ZAR1: variants seen among roughly 807,000 people sequenced by gnomAD.
ZAR1 encodes the protein zygote arrest protein 1.
ZAR1 carries 37 observed loss-of-function variants against 38.3 expected under a neutral mutation model. The ratio of observed to expected loss-of-function variants is 0.97; its 90% confidence interval spans 0.74 to 1.27. ZAR1 has a LOEUF of 1.27. Among genes scored for constraint, ZAR1 ranks in the 50% most tolerant of loss-of-function variants. The pLI, the probability that ZAR1 is intolerant of heterozygous loss-of-function variation, is 0.00. For synonymous variants in ZAR1, 336 were observed against 292.0 expected (o/e 1.15, Z -1.53); for missense variants, 651 against 632.4 (o/e 1.03, Z -0.32).
At chr4:48,495,876 G>T (rs997557461), downstream of ZAR1, among the ~76,000 whole-genome samples, 12 of 152,196 alleles carry the variant, frequency 7.9e-5, no homozygotes, top group Non-Finnish European at 1.8e-4. Flanking sequence ...CACAGTGTGA[G>T]AATACTTTGG....
In ZAR1 at chr4:48,490,883, G is replaced by A; in HGVS notation, c.592G>A (p.Gly198Arg). Reference sequence around the variant, plus strand: ...TCTCACCGCCTTCCTGGAGGGGCCCGGGCCCGCGGCGGGCGAGCAGAGGTC... The same window carrying A: ...TCTCACCGCCTTCCTGGAGGGGCCCAGGCCCGCGGCGGGCGAGCAGAGGTC... ...RRLTAFLEGP[G>R]PAAGEQRSGA... is the part of the protein sequence containing the mutation. The change falls in exon 1 of 4, where the codon GGG becomes AGG. Residue 198 changes from glycine (G) to arginine (R), a missense_variant. Transcript: ENST00000327939. 2 of 1,411,148 alleles carry A rather than the reference G, an allele frequency of 1.4e-6. No individual in the cohort carries two copies. The highest frequency in any genetic ancestry group is 1.8e-6 in the Non-Finnish European group (2 of 1,086,822). 87.4% of individuals were successfully genotyped at this position (1,411,148 alleles called of 1,614,324 possible).
downstream of ZAR1, among the ~76,000 whole-genome samples, chr4:48,496,379 A>G (rs1718611855): frequency 6.6e-6 from 1 of 152,080 alleles, no homozygotes; most frequent in African/African-American, 2.4e-5. Context: ...GATGTGATCA[A>G]TAGTATTTGC....
rs117545505 is a variant in ZAR1 at position 48,490,705 on chromosome 4, C to T, written c.414C>T (p.Ala138=). Residue 138 remains alanine (A), a synonymous_variant, in exon 1 of 4, where the codon GCC becomes GCT. Coordinates refer to ENST00000327939, the MANE Select transcript of ZAR1 (RefSeq NM_175619.3). ...QRRARDPESP[A]GPGAEGTTGG... is the part of the protein sequence containing the mutation. ...GGGCCCGCGACCCCGAGTCCCCGGC[C>T]GGCCCCGGGGCCGAGGGCACCACGG... The T allele has an allele frequency of 0.03, 40,383 of 1,327,732 alleles. 635 individuals are homozygous for T. Among genetic ancestry groups the T allele is most frequent in the Admixed American group, 0.049 (1,171 of 24,134 alleles). 82.2% of individuals were successfully genotyped at this position (1,327,732 alleles called of 1,614,324 possible). A position where few individuals can be genotyped will look rare whatever the true frequency, so the allele number is the denominator to read the frequency against.
At chr4:48,495,580 T>C (rs975792053), downstream of ZAR1, among the ~76,000 whole-genome samples, 8 of 152,328 alleles carry the variant, frequency 5.3e-5, no homozygotes, top group African/African-American at 1.7e-4. Context: ...CTGTGCTCGG[T>C]AGAGAAGAGG....
chr4:48,492,847 G>C lies in ZAR1; in HGVS notation c.1045G>C (p.Gly349Arg). Residue 349 changes from glycine (G) to arginine (R), a missense_variant, in exon 2 of 4, where the codon GGA becomes CGA. Physicochemically the swap from Gly to Arg is moderately radical, Grantham distance 125. Transcript: ENST00000327939. ...WESAYVWCVQ[G>R]TNKVYFKQFC... ...GAGTGCTTATGTGTGGTGTGTACAG[G>C]GAACTAACAAGGTAAGAAATACCAG... is the stretch of plus-strand genomic sequence containing the variant. 6.2e-7 allele frequency: 1 copy of C among 1,614,150 alleles called. No homozygotes were observed. Among genetic ancestry groups the C allele is most frequent in the Non-Finnish European group, 8.5e-7 (1 of 1,180,026 alleles).
downstream of ZAR1, among the ~76,000 whole-genome samples, chr4:48,495,126 G>C (rs1718550310): frequency 6.6e-6 from 1 of 152,082 alleles, no homozygotes; most frequent in Non-Finnish European, 1.5e-5. Context: ...GTGCTAGTCG[G>C]GATGCCAGAC....
At chr4:48,497,183 G>A (rs567610947), downstream of ZAR1, among the ~76,000 whole-genome samples, 17 of 152,296 alleles carry the variant, frequency 1.1e-4, no homozygotes, top group African/African-American at 3.6e-4. Flanking sequence ...AAAGAAAAAG[G>A]CTGTATGTAG....
rs768067945 is a variant in ZAR1, at chr4:48,492,978, A to G, written c.1097A>G (p.Tyr366Cys). The part of the protein sequence containing the change: ...KQFCRTCQKS[Y>C]NPYRVEDITC... ...TTTTGCAGAACTTGTCAGAAGTCTT[A>G]TAACCCTTACCGAGTGGAGGATATC... The change falls in exon 3 of 4, where the codon TAT (tyrosine) becomes TGT (cysteine). Residue 366 changes from tyrosine to cysteine, a missense_variant. Physicochemically the swap from Tyr to Cys is radical, Grantham distance 194 (BLOSUM62 -2). Coordinates refer to ENST00000327939, the MANE Select transcript of ZAR1 (RefSeq NM_175619.3). 2 of 1,614,244 alleles carry G rather than the reference A, an allele frequency of 1.2e-6. No homozygotes were observed. Among genetic ancestry groups the G allele is most frequent in the Non-Finnish European group, 1.7e-6 (2 of 1,180,038 alleles).
intron 3 of ZAR1, 31 bp downstream of exon 3, chr4:48,493,043 C>CT: frequency 6.2e-7 from 1 of 1,606,614 alleles, no homozygotes; most frequent in Non-Finnish European, 8.5e-7. Context: ...TTTGTCTGAC[C>CT]TGGGCAGTCG....
At chr4:48,496,873 C>G (rs1718640603), downstream of ZAR1, among the ~76,000 whole-genome samples, 1 of 152,140 alleles carries the variant, frequency 6.6e-6, no homozygotes, top group Admixed American at 6.5e-5. Flanking sequence ...TGTCGTCTTT[C>G]TCCTTTTGTT....
At position 48,493,026 on chromosome 4, in the gene ZAR1, T is replaced by G. The variant is rs1718489277; in HGVS notation, c.1131+14T>G. The G allele has an allele frequency of 6.2e-7, 1 of 1,613,794 alleles. No homozygotes were observed. Among genetic ancestry groups the G allele is most frequent in the Non-Finnish European group, 8.5e-7 (1 of 1,179,806 alleles). On this transcript the variant is annotated intron_variant, in intron 3 of 3. Coordinates refer to ENST00000327939, the MANE Select transcript of ZAR1 (RefSeq NM_175619.3). Reference sequence around the variant, plus strand: ...ATCACCTGTCAAGTAAATCAGATGTTTTGCATTTTGTCTGACCTGGGCAGT... The same window carrying G: ...ATCACCTGTCAAGTAAATCAGATGTGTTGCATTTTGTCTGACCTGGGCAGT...
In ZAR1 at chr4:48,492,973, G is replaced by A. The variant is rs1350704653; in HGVS notation, c.1092G>A (p.Lys364=). The A allele has an allele frequency of 6.2e-7, 1 of 1,614,206 alleles. No homozygotes were observed. The highest frequency in any genetic ancestry group is 1.1e-5 in the South Asian group (1 of 91,084). ...YFKQFCRTCQ[K]SYNPYRVEDI... is the part of the protein sequence containing the mutation. ...AACAGTTTTGCAGAACTTGTCAGAAGTCTTATAACCCTTACCGAGTGGAGG... is the reference window on the plus strand; with the variant it reads ...AACAGTTTTGCAGAACTTGTCAGAAATCTTATAACCCTTACCGAGTGGAGG... Residue 364 remains lysine (K), a synonymous_variant, in exon 3 of 4, where the codon AAG becomes AAA. Transcript: ENST00000327939.
At position 48,494,254 on chromosome 4, in the gene ZAR1, A is replaced by C; in HGVS notation, c.*10A>C. ...CAAATACATCATTTAGGTGAAAGTCAGTGTTGCTGTGCATGCGCTGATGGA... is the reference window on the plus strand; with the variant it reads ...CAAATACATCATTTAGGTGAAAGTCCGTGTTGCTGTGCATGCGCTGATGGA... On this transcript the variant is annotated 3_prime_UTR_variant, in exon 4 of 4. Coordinates refer to ENST00000327939, the MANE Select transcript of ZAR1 (RefSeq NM_175619.3). The C allele has an allele frequency of 6.2e-7, 1 of 1,613,980 alleles. No individual in the cohort carries two copies. The highest frequency in any genetic ancestry group is 1.1e-5 in the South Asian group (1 of 91,082).
chr4:48,492,920 T>A lies in ZAR1; in HGVS notation c.1057-18T>A, dbSNP rs551875630. 1 of 1,614,178 alleles carries A rather than the reference T, an allele frequency of 6.2e-7. No homozygotes were observed. Among genetic ancestry groups the A allele is most frequent in the South Asian group, 1.1e-5 (1 of 91,086 alleles). Reference sequence around the variant, plus strand: ...AAGTGTCAAGGCGATTTTAAGTTTATCCTCTTTGTCATCACAGGTTTACTT... The same window carrying A: ...AAGTGTCAAGGCGATTTTAAGTTTAACCTCTTTGTCATCACAGGTTTACTT... On this transcript the variant is annotated intron_variant, in intron 2 of 3. Transcript: ENST00000327939.
At position 48,493,109 on chromosome 4, in the gene ZAR1, A is replaced by G. The variant is rs1028167667; in HGVS notation, c.1131+97A>G. 8 of 1,127,072 alleles carry G rather than the reference A, an allele frequency of 7.1e-6. No homozygotes were observed. In the Admixed American group the frequency reaches 1.7e-4, roughly 24 times the overall value. The allele number at this position is 1,127,072 out of a possible 1,614,324, so 69.8% of individuals were successfully genotyped here. A position where few individuals can be genotyped will look rare whatever the true frequency, so the allele number is the denominator to read the frequency against. ...TTCCAAAAAGAGGCCAGGCCCCCAG[A>G]CCTTAGGTTTCAACTGGCTTTTGTT... On this transcript the variant is annotated intron_variant, in intron 3 of 3. Transcript: ENST00000327939.
At chr4:48,493,380 C>T (rs1457729572) in intron 3 of ZAR1, among the ~76,000 whole-genome samples, 2 of 152,162 alleles carry the variant, frequency 1.3e-5, no homozygotes, top group Non-Finnish European at 2.9e-5. Context: ...GAAGCACAAC[C>T]TTAAAGTACT....
rs1224282202 is a variant in ZAR1 at position 48,490,459 on chromosome 4, G to A, written c.168G>A (p.Ala56=). The A allele has an allele frequency of 1.4e-6, 2 of 1,465,688 alleles. No homozygotes were observed. Among genetic ancestry groups the A allele is most frequent in the Non-Finnish European group, 1.8e-6 (2 of 1,118,510 alleles). The allele number at this position is 1,465,688 out of a possible 1,614,324, so 90.8% of individuals were successfully genotyped here. A position where few individuals can be genotyped will look rare whatever the true frequency, so the allele number is the denominator to read the frequency against. Residue 56 remains alanine (A), a synonymous_variant, in exon 1 of 4, where the codon GCG becomes GCA. Coordinates refer to ENST00000327939, the MANE Select transcript of ZAR1 (RefSeq NM_175619.3). ...TTCCCGCCTCCTCCCCCTGCTCGGC[G>A]GGCGCGGCCTCGTTGTCCTTCCCGG... ...GCLPASSPCS[A]GAASLSFPGC...
Position 48,490,708 on chromosome 4 carries a change from C to T in ZAR1, c.417C>T (p.Gly139=), listed in dbSNP as rs1718404308. 3 of 1,334,888 alleles carry T rather than the reference C, an allele frequency of 2.2e-6. No homozygotes were observed. The highest frequency in any genetic ancestry group is 2.8e-4 in the Middle Eastern group (1 of 3,594). 82.7% of individuals were successfully genotyped at this position (1,334,888 alleles called of 1,614,324 possible). ...CCCGCGACCCCGAGTCCCCGGCCGG[C>T]CCCGGGGCCGAGGGCACCACGGGTG... ...RRARDPESPA[G]PGAEGTTGGG... The change falls in exon 1 of 4, where the codon GGC becomes GGT. Residue 139 remains glycine, a synonymous_variant. Transcript: ENST00000327939.
intron 1 of ZAR1, among the ~76,000 whole-genome samples, chr4:48,491,662 G>A (rs1453037936): frequency 6.6e-6 from 1 of 152,220 alleles, no homozygotes; most frequent in East Asian, 1.9e-4. Flanking sequence ...TCCCATTTCC[G>A]CACTGGATGT....
Sources: allele counts gnomAD v4.1 joint callset (sites outside exome capture counted in the v4.1 genomes callset), GRCh38; gene constraint gnomAD v4.1.1; transcripts MANE v1.5; gene names NCBI Gene and HGNC (gene_info 2026-07-23, HGNC 2026-07-21).